The following AHNAK variants were observed in gnomAD, a reference collection of about 807,000 sequenced individuals.
AHNAK encodes AHNAK nucleoprotein, also known as neuroblast differentiation-associated protein AHNAK.
A neutral mutation model predicts 37.8 loss-of-function variants in AHNAK; 23 were observed. The observed-to-expected ratio is 0.61, with a 90% confidence interval of 0.44 to 0.86. AHNAK has a LOEUF of 0.86. AHNAK is among the 40% of genes least tolerant of loss of function. The pLI, the probability that AHNAK is intolerant of heterozygous loss-of-function variation, is 0.00. For synonymous variants in AHNAK, 2,481 were observed against 2,636.3 expected, an observed-to-expected ratio of 0.94 and a Z score of 1.80; for missense variants, 7,411 against 7,319.4, an observed-to-expected ratio of 1.01 and a Z score of -0.46.
intron 4 of AHNAK, among the ~76,000 whole-genome samples, chr11:62,506,548 C>T (rs999887056): frequency 1.3e-5 from 2 of 152,080 alleles, no homozygotes; most frequent in South Asian, 2.1e-4. Context: ...TCAGGTTCTC[C>T]CCCCAGACAG....
intron 5 of AHNAK, among the ~76,000 whole-genome samples, chr11:62,454,180 G>A (rs35876296): frequency 0.061 from 9,311 of 151,764 alleles, 946 homozygotes; most frequent in African/African-American, 0.21. Context: ...TTGGGAGGCG[G>A]AGGCGGGCGG....
chr11:62,513,642 C>A (rs748242910), downstream of AHNAK, among the ~76,000 whole-genome samples: 2 of 152,094 alleles, frequency 1.3e-5, no homozygotes, highest in African/African-American at 4.8e-5. Context: ...AGCTGGGGTG[C>A]GCCCTCCACA....
chr11:62,469,542 G>A (rs1938986039), intron 5 of AHNAK, among the ~76,000 whole-genome samples: 3 of 151,974 alleles, frequency 2.0e-5, no homozygotes, highest in Admixed American at 2.0e-4. Flanking sequence ...TCAGCTCACT[G>A]TAACCTCCGC....
In AHNAK at chr11:62,532,574, G is replaced by A. The variant is rs1565245543; in HGVS notation, c.1843C>T (p.Pro615Ser). ...TCTGGGCCATGCGCTTCGACATCTG[G>A]GGCACTGACATCCACTTTGGGGCCT... Reference protein sequence around the residue: ...VRGPKVDVSAPDVEAHGPEWN... With the variant: ...VRGPKVDVSASDVEAHGPEWN... The change falls in exon 5 of 5, where the codon CCA (proline) becomes TCA (serine). Residue 615 changes from proline (P) to serine (S), a missense_variant. Pro to Ser is a moderately conservative substitution (Grantham distance 74). Coordinates refer to ENST00000378024, the MANE Select transcript of AHNAK (RefSeq NM_001620.3). 6.2e-7 allele frequency: 1 copy of A among 1,614,154 alleles called. No individual in the cohort carries two copies. Among genetic ancestry groups the A allele is most frequent in the Non-Finnish European group, 8.5e-7 (1 of 1,180,040 alleles).
At chr11:62,451,719 A>G (rs1938541400) in intron 5 of AHNAK, among the ~76,000 whole-genome samples, 1 of 133,474 alleles carries the variant, frequency 7.5e-6, no homozygotes, top group Admixed American at 8.1e-5. Context: ...CCTGGGTGAC[A>G]GAGCGAGACT....
intron 5 of AHNAK, among the ~76,000 whole-genome samples, chr11:62,458,165 G>T (rs568779109): frequency 6.6e-6 from 1 of 151,876 alleles, no homozygotes; most frequent in Non-Finnish European, 1.5e-5. Flanking sequence ...TGATCCACCC[G>T]CCTTGGCCTC....
In AHNAK at chr11:62,531,346, T is replaced by C. The variant is rs370293846; in HGVS notation, c.3071A>G (p.Lys1024Arg). 20 of 1,613,874 alleles carry C rather than the reference T, an allele frequency of 1.2e-5. No individual in the cohort carries two copies. In the East Asian group the frequency reaches 2.9e-4, roughly 23 times the overall value. The change falls in exon 5 of 5, where the codon AAA (lysine) becomes AGA (arginine). Residue 1024 changes from lysine (K) to arginine (R), a missense_variant. Transcript: ENST00000378024. ...EGPEFDVNLS[K>R]ANVDISAPKV... ...TGGTGCAGAAATGTCCACATTCGCT[T>C]TGGACAGGTTCACATCAAATTCTGG... is the stretch of plus-strand genomic sequence containing the variant.
Position 62,439,219 on chromosome 11 carries a change from C to T in AHNAK, c.443-5328G>A, listed in dbSNP as rs1938246061. On this transcript the variant is annotated intron_variant, in intron 5 of 5. Transcript: ENST00000257247. ...ATGCCATTCTCCTGCCTCAGCCTCCCGAGTAGCTGGGATTACAAGCGCCCG... is the reference window on the plus strand; with the variant it reads ...ATGCCATTCTCCTGCCTCAGCCTCCTGAGTAGCTGGGATTACAAGCGCCCG... Among the ~76,000 whole-genome samples the T allele has an allele frequency of 2.0e-5, 3 of 151,680 alleles. No homozygotes were observed. The South Asian group carries it at 6.3e-4, about 32-fold the overall frequency.
intron 5 of AHNAK, among the ~76,000 whole-genome samples, chr11:62,464,023 C>T (rs1326537310): frequency 6.6e-6 from 1 of 151,722 alleles, no homozygotes; most frequent in African/African-American, 2.4e-5. Context: ...CCGCCTCAGC[C>T]TCCCAAAGTG....
In AHNAK at chr11:62,526,211, G is replaced by A. The variant is rs1217186100; in HGVS notation, c.8206C>T (p.Leu2736Phe). ...TTGATGTCAACTTCTGGGCCCTTGA[G>A]GTCACCTTCCACTTTAGGAAGGGAA... ...DVSLPKVEGD[L>F]KGPEVDIKGP... Residue 2736 changes from leucine to phenylalanine, a missense_variant, in exon 5 of 5, where the codon CTC becomes TTC. By Grantham distance (22) the Leu-to-Phe change is conservative (BLOSUM62 0). Coordinates refer to ENST00000378024, the MANE Select transcript of AHNAK (RefSeq NM_001620.3). 6.2e-7 allele frequency: 1 copy of A among 1,613,842 alleles called. No homozygotes were observed. The highest frequency in any genetic ancestry group is 8.5e-7 in the Non-Finnish European group (1 of 1,179,966).
chr11:62,519,657 A>G lies in AHNAK; in HGVS notation c.14760T>C (p.Asp4920=), dbSNP rs1055461708. The G allele has an allele frequency of 1.2e-6, 2 of 1,613,976 alleles. No individual in the cohort carries two copies. The highest frequency in any genetic ancestry group is 1.7e-5 in the Admixed American group (1 of 59,986). Residue 4920 remains aspartate (D), a synonymous_variant, in exon 5 of 5, where the codon GAT becomes GAC. Coordinates refer to ENST00000378024, the MANE Select transcript of AHNAK (RefSeq NM_001620.3). ...TTGGTGCCTTGAGATGCAAATCAAC[A>G]TCAGGAGCAGTTACTTTAGGAGCAG... The part of the protein sequence containing the change: ...EISAPKVTAP[D]VDLHLKAPKI...
At chr11:62,461,546 A>G (rs533184197) in intron 5 of AHNAK, among the ~76,000 whole-genome samples, 23 of 152,332 alleles carry the variant, frequency 1.5e-4, no homozygotes, top group Middle Eastern at 3.4e-3. Flanking sequence ...AGAAGGGCCA[A>G]GCCTAAGGAT....
rs374440424 is a variant in AHNAK, at chr11:62,532,633, T to C, written c.1784A>G (p.Glu595Gly). 1.2e-4 allele frequency: 190 copies of C among 1,612,340 alleles called. No homozygotes were observed. The Middle Eastern group carries it at 1.3e-3, about 11-fold the overall frequency. Residue 595 changes from glutamate (E) to glycine (G), a missense_variant, in exon 5 of 5, where the codon GAA becomes GGA. Glu to Gly is a moderately conservative substitution (Grantham distance 98). Transcript: ENST00000378024. ...AACTTCAGGGACTTTGACTTTCCCT[T>C]CTACTCTGGGGAGTGTGACATCTAC... ...GGVDVTLPRV[E>G]GKVKVPEVDV...
rs769075878 is a variant in AHNAK, at chr11:62,532,557, A to G, written c.1860T>C (p.His620=). 1.9e-6 allele frequency: 3 copies of G among 1,614,034 alleles called. No individual in the cohort carries two copies. The highest frequency in any genetic ancestry group is 2.2e-5 in the South Asian group (2 of 91,072). The change falls in exon 5 of 5, where the codon CAT becomes CAC. Residue 620 remains histidine (H), a synonymous_variant. Coordinates refer to ENST00000378024, the MANE Select transcript of AHNAK (RefSeq NM_001620.3). ...VDVSAPDVEA[H]GPEWNLKMPK... Reference sequence around the variant, plus strand: ...GCATTTTCAGGTTCCATTCTGGGCCATGCGCTTCGACATCTGGGGCACTGA... The same window carrying G: ...GCATTTTCAGGTTCCATTCTGGGCCGTGCGCTTCGACATCTGGGGCACTGA...
intron 1 of AHNAK, among the ~76,000 whole-genome samples, chr11:62,538,372 C>T (rs1341962300): frequency 1.3e-5 from 2 of 152,224 alleles, no homozygotes; most frequent in Non-Finnish European, 2.9e-5. Flanking sequence ...ACAAGGTGAG[C>T]TGTCATCTGC....
chr11:62,463,457 T>G (rs78981142), intron 5 of AHNAK, among the ~76,000 whole-genome samples: 358 of 150,672 alleles, frequency 2.4e-3, no homozygotes, highest in Non-Finnish European at 4.2e-3. Flanking sequence ...CTCTCCTCCA[T>G]CCTCCAGCCT....
rs535365338 is a variant in AHNAK, at chr11:62,525,215, C to T, written c.9202G>A (p.Glu3068Lys). Residue 3068 changes from glutamate (E) to lysine (K), a missense_variant, in exon 5 of 5, where the codon GAA (glutamate) becomes AAA (lysine). Physicochemically the swap from Glu to Lys is moderately conservative, Grantham distance 56. Coordinates refer to ENST00000378024, the MANE Select transcript of AHNAK (RefSeq NM_001620.3). ...VDIDVPDVNI[E>K]GPEGKLKGPK... is the part of the protein sequence containing the mutation. ...CCTTTCAACTTTCCCTCTGGGCCTT[C>T]GATATTCACATCTGGAACATCAATG... The T allele has an allele frequency of 8.1e-5, 131 of 1,610,896 alleles. 1 individual carries two copies. In the East Asian group the frequency reaches 2.7e-3, roughly 33 times the overall value.
Position 62,525,021 on chromosome 11 carries a change from C to T in AHNAK, c.9396G>A (p.Val3132=), listed in dbSNP as rs771810564. ...VPDVDIKGPK[V]DINAPDVDVQ... ...CATCCACATCTGGGGCATTAATATC[C>T]ACTTTGGGGCCTTTAATATCCACGT... Residue 3132 remains valine, a synonymous_variant, in exon 5 of 5, where the codon GTG becomes GTA. Transcript: ENST00000378024. The T allele has an allele frequency of 9.9e-6, 16 of 1,613,106 alleles. No homozygotes were observed. In the East Asian group the frequency reaches 2.0e-4, roughly 20 times the overall value.
In AHNAK at chr11:62,519,222, T is replaced by G. The variant is rs768736448; in HGVS notation, c.15195A>C (p.Ala5065=). 27 of 1,613,592 alleles carry G rather than the reference T, an allele frequency of 1.7e-5. No homozygotes were observed. Among genetic ancestry groups the G allele is most frequent in the Non-Finnish European group, 3.4e-6 (4 of 1,179,898 alleles). ...CGACTTTGAGTGCAGCATCCGGCCC[T>G]GCGATGTTGACATCTACATCCGGAG... ...LKAPDVDVNI[A]GPDAALKVDV... Residue 5065 remains alanine, a synonymous_variant, in exon 5 of 5, where the codon GCA becomes GCC. Coordinates refer to ENST00000378024, the MANE Select transcript of AHNAK (RefSeq NM_001620.3).
Sources: gnomAD v4.1 joint callset for allele counts (sites outside exome capture counted in the v4.1 genomes callset) on GRCh38, gnomAD v4.1.1 for gene constraint, MANE v1.5 for transcripts, NCBI Gene and HGNC (gene_info 2026-07-23, HGNC 2026-07-21) for gene names.